FLNB: variants seen among roughly 807,000 people sequenced by gnomAD.
FLNB encodes the protein filamin B, also known as filamin-B.
In FLNB, 111 loss-of-function variants were observed where a neutral mutation model predicts 250.6. The ratio of observed to expected loss-of-function variants is 0.44; its 90% CI spans 0.38 to 0.52. The LOEUF (loss-of-function observed/expected upper bound fraction) is 0.52. FLNB is among the 20% of genes least tolerant of loss of function. The probability of loss-of-function intolerance (pLI) is 0.00; values close to 1 mark genes in which losing one functional copy is unlikely to be tolerated. For missense variants in FLNB, 2,869 were observed against 3,447.8 expected (o/e 0.83, Z 4.20); for synonymous variants, 1,302 against 1,372.1 (o/e 0.95, Z 1.13).
Position 58,081,519 on chromosome 3 carries a change from G to GTTTCTT in FLNB, c.640-110_640-109insTTTCTT. On this transcript the variant is annotated intron_variant, in intron 3 of 45. Coordinates refer to ENST00000295956, the MANE Select transcript of FLNB (RefSeq NM_001457.4). ...AGTAATTTCACTTAATTGAGAAGCT[G>GTTTCTT]ACTCAGTTTCTTAATATTTGTAGTG... 4 of 1,004,518 alleles carry GTTTCTT rather than the reference G, an allele frequency of 4.0e-6. No individual in the cohort carries two copies. The South Asian group carries it at 5.1e-5, about 13-fold the overall frequency. The allele number at this position is 1,004,518 out of a possible 1,614,324, so 62.2% of individuals were successfully genotyped here.
intron 3 of FLNB, 114 bp downstream of exon 3, chr3:58,078,928 A>T: frequency 1.4e-6 from 1 of 716,902 alleles, no homozygotes; most frequent in Non-Finnish European, 2.5e-6. Context: ...TTCAGAGAGC[A>T]TTGCCTGTGA....
intron 1 of FLNB, among the ~76,000 whole-genome samples, chr3:58,058,429 G>A (rs1025675772): frequency 6.7e-6 from 1 of 150,364 alleles, no homozygotes; most frequent in East Asian, 1.9e-4. Context: ...CTAAATCTTC[G>A]TCACAGACAA....
At chr3:58,121,835 C>T (rs747413891) in intron 20 of FLNB, among the ~76,000 whole-genome samples, 4 of 152,156 alleles carry the variant, frequency 2.6e-5, no homozygotes, top group South Asian at 2.1e-4. Context: ...AGCTCACAGA[C>T]GGAGCTCACC....
rs776289974 is a variant in FLNB at position 58,096,206 on chromosome 3, C to T, written c.972C>T (p.Thr324=). ...TYSVEYLPKV[T]GLHKVTVLFA... ...CTGTGGAGTATCTGCCCAAGGTCAC[C>T]GGGCTACACAAAGTAAGATGAAGCA... is the stretch of plus-strand genomic sequence containing the variant. The change falls in exon 6 of 46, where the codon ACC becomes ACT. Residue 324 remains threonine (T), a synonymous_variant. Coordinates refer to ENST00000295956, the MANE Select transcript of FLNB (RefSeq NM_001457.4). 60 of 1,613,132 alleles carry T rather than the reference C, an allele frequency of 3.7e-5. No homozygotes were observed. The highest frequency in any genetic ancestry group is 1.9e-4 in the South Asian group (17 of 91,050).
chr3:58,109,005 A>C (rs2097264154), intron 13 of FLNB, among the ~76,000 whole-genome samples, 174 bp from the exon 14 acceptor site: 1 of 152,248 alleles, frequency 6.6e-6, no homozygotes, highest in African/African-American at 2.4e-5. Flanking sequence ...AATGCATGTC[A>C]TATTTTGTCA....
chr3:58,087,358 C>T (rs1487133619), intron 4 of FLNB, among the ~76,000 whole-genome samples: 3 of 151,764 alleles, frequency 2.0e-5, no homozygotes, highest in Admixed American at 1.3e-4. Context: ...GGGGAGGTGG[C>T]GGGAGTGAAG....
At chr3:58,095,995 C>G (rs2097237838) in intron 5 of FLNB, 146 bp from the exon 6 acceptor site, 2 of 697,196 alleles carry the variant, frequency 2.9e-6, no homozygotes, top group Admixed American at 2.0e-5. Flanking sequence ...CAGTTTCTCT[C>G]TAGGGGCGTT....
Position 58,097,934 on chromosome 3 carries a change from G to A in FLNB, c.1104G>A (p.Gly368=), listed in dbSNP as rs1394889068. 4 of 1,614,032 alleles carry A rather than the reference G, an allele frequency of 2.5e-6. No homozygotes were observed. ...TAKGPGLEAV[G]NIANKPTYFD... ...AAGGTCCAGGGTTGGAAGCTGTAGG[G>A]AACATCGCCAATAAGCCCACCTACT... Residue 368 remains glycine (G), a synonymous_variant, in exon 7 of 46, where the codon GGG becomes GGA. Transcript: ENST00000295956.
chr3:58,121,165 A>G (rs1035486830), intron 19 of FLNB, 76 bp from the exon 20 acceptor site: 2 of 1,596,980 alleles, frequency 1.3e-6, no homozygotes, highest in Non-Finnish European at 1.7e-6. Context: ...CCAAAGAACC[A>G]TTGCTTCTGT....
Position 58,156,044 on chromosome 3 carries a change from A to ACGCC in FLNB, c.6862_6865dup (p.Arg2289ProfsTer16), listed in dbSNP as rs1475141788. The ACGCC allele has an allele frequency of 6.2e-7, 1 of 1,614,038 alleles. No homozygotes were observed. Among genetic ancestry groups the ACGCC allele is most frequent in the Non-Finnish European group, 8.5e-7 (1 of 1,179,978 alleles). ...GTGCCGGTCATCGCACCCTCCGACG[A>ACGCC]CGCCCGCCGCCTCACTGTTATGAGC... On this transcript the variant is annotated frameshift_variant, in exon 41 of 46. Transcript: ENST00000295956. LOFTEE classifies it high-confidence loss of function.
intron 12 of FLNB, 33 bp downstream of exon 12, chr3:58,106,906 C>T (rs1281530461): frequency 6.3e-7 from 1 of 1,589,760 alleles, no homozygotes; most frequent in Admixed American, 1.7e-5. Flanking sequence ...GTCTTCTTGT[C>T]CCTGGCCCCT....
intron 29 of FLNB, among the ~76,000 whole-genome samples, chr3:58,140,056 C>T (rs1419858944): frequency 6.6e-6 from 1 of 152,214 alleles, no homozygotes; most frequent in African/African-American, 2.4e-5. Context: ...GGGACGATCA[C>T]CTACAGTACC....
chr3:58,134,509 G>A (rs2097312928), intron 26 of FLNB, 107 bp from the exon 27 acceptor site: 2 of 1,332,482 alleles, frequency 1.5e-6, no homozygotes, highest in Admixed American at 1.7e-5. Flanking sequence ...CTTATCTGCT[G>A]TAGAAATCCC....
chr3:58,028,416 T>A (rs879842047), intron 1 of FLNB, among the ~76,000 whole-genome samples: 2 of 151,848 alleles, frequency 1.3e-5, no homozygotes, highest in Non-Finnish European at 2.9e-5. Flanking sequence ...CCATGAAATA[T>A]AAATCTATTT....
intron 25 of FLNB, chr3:58,132,478 G>T: frequency 4.5e-6 from 2 of 443,984 alleles, no homozygotes; most frequent in East Asian, 5.1e-5. Flanking sequence ...TAACCAGCTT[G>T]AAAGGTTATA....
intron 16 of FLNB, among the ~76,000 whole-genome samples, chr3:58,110,411 A>AT (rs1357516942): frequency 6.7e-6 from 1 of 148,166 alleles, no homozygotes; most frequent in Non-Finnish European, 1.5e-5. Flanking sequence ...CTACAGGCTC[A>AT]TACCACCACC....
At chr3:58,010,925 C>T (rs555982627) in intron 1 of FLNB, among the ~76,000 whole-genome samples, 6 of 152,224 alleles carry the variant, frequency 3.9e-5, no homozygotes, top group African/African-American at 1.2e-4. Flanking sequence ...CCCACCACCG[C>T]CCCGCCTGGA....
chr3:58,121,170 T>C, intron 19 of FLNB, 71 bp from the exon 20 acceptor site: 1 of 1,603,044 alleles, frequency 6.2e-7, no homozygotes, highest in African/African-American at 1.3e-5. Flanking sequence ...GAACCATTGC[T>C]TCTGTGCTCT....
chr3:58,140,495 A>G (rs925461999), intron 29 of FLNB, among the ~76,000 whole-genome samples: 2 of 152,228 alleles, frequency 1.3e-5, no homozygotes, highest in Non-Finnish European at 2.9e-5. Flanking sequence ...TAACATGGGT[A>G]AATAGGCCTT....
Sources: gnomAD v4.1 joint callset for allele counts (sites outside exome capture counted in the v4.1 genomes callset) on GRCh38, gnomAD v4.1.1 for gene constraint, MANE v1.5 for transcripts, NCBI Gene and HGNC (gene_info 2026-07-23, HGNC 2026-07-21) for gene names.